The following ST6GALNAC5 variants were observed in gnomAD, a reference collection of about 807,000 sequenced individuals.
ST6GALNAC5 encodes the protein ST6 N-acetylgalactosaminide alpha-2,6-sialyltransferase 5.
Under a neutral mutation model 33.6 loss-of-function variants are expected in ST6GALNAC5, and 27 were observed. The observed-to-expected ratio is 0.80, with a 90% CI of 0.59 to 1.11. The LOEUF (loss-of-function observed/expected upper bound fraction) is 1.11. ST6GALNAC5 is among the 50% of genes least tolerant of loss of function. The pLI, the probability that ST6GALNAC5 is intolerant of heterozygous loss-of-function variation, is 0.00. For missense variants in ST6GALNAC5, 428 were observed against 454.0 expected, an observed-to-expected ratio of 0.94 and a Z score of 0.52; for synonymous variants, 194 against 171.2, an observed-to-expected ratio of 1.13 and a Z score of -1.04.
chr1:76,968,773 C>T, intron 2 of ST6GALNAC5, among the ~76,000 whole-genome samples: 1 of 152,090 alleles, frequency 6.6e-6, no homozygotes, highest in East Asian at 1.9e-4. Flanking sequence ...TAAGGCAGGC[C>T]TGGTGGTGAC....
chr1:76,916,311 A>T (rs1004035727), intron 2 of ST6GALNAC5, among the ~76,000 whole-genome samples: 2 of 152,130 alleles, frequency 1.3e-5, no homozygotes, highest in Non-Finnish European at 2.9e-5. Flanking sequence ...CTTGTTCCAC[A>T]TTTTGAAAAC....
At chr1:76,879,582 G>A (rs1653730742) in intron 2 of ST6GALNAC5, among the ~76,000 whole-genome samples, 1 of 152,188 alleles carries the variant, frequency 6.6e-6, no homozygotes, top group Admixed American at 6.5e-5. Context: ...AGGTCTAGAA[G>A]CAAACAGGGG....
intron 2 of ST6GALNAC5, among the ~76,000 whole-genome samples, chr1:76,945,311 T>A (rs1296008831): frequency 2.0e-5 from 3 of 150,042 alleles, no homozygotes; most frequent in Non-Finnish European, 4.4e-5. Context: ...CAAAATAGTG[T>A]TTTGATTAGA....
intron 2 of ST6GALNAC5, among the ~76,000 whole-genome samples, chr1:77,043,111 G>C (rs1003540395): frequency 6.6e-6 from 1 of 152,218 alleles, no homozygotes; most frequent in African/African-American, 2.4e-5. Flanking sequence ...GGAAGCCAGC[G>C]TGTCCTGTTC....
At chr1:76,881,090 AG>A (rs1205346631) in intron 2 of ST6GALNAC5, among the ~76,000 whole-genome samples, 1 of 152,194 alleles carries the variant, frequency 6.6e-6, no homozygotes, top group Non-Finnish European at 1.5e-5. Context: ...ACAGCTGTGT[AG>A]GGTCTTAAGT....
chr1:77,017,401 G>A (rs1650891418), intron 2 of ST6GALNAC5, among the ~76,000 whole-genome samples: 1 of 152,110 alleles, frequency 6.6e-6, no homozygotes, highest in Admixed American at 6.5e-5. Context: ...AAATACAAAT[G>A]CCTAGGGGAA....
chr1:76,997,669 T>A (rs1557753759), intron 2 of ST6GALNAC5, among the ~76,000 whole-genome samples: 1 of 152,214 alleles, frequency 6.6e-6, no homozygotes, highest in African/African-American at 2.4e-5. Context: ...TCAGGTTATA[T>A]TTGAAACTTT....
chr1:77,011,992 G>A (rs1187098458), intron 2 of ST6GALNAC5, among the ~76,000 whole-genome samples: 1 of 152,174 alleles, frequency 6.6e-6, no homozygotes, highest in Non-Finnish European at 1.5e-5. Flanking sequence ...GCACAAAGAA[G>A]CTAAATGATT....
chr1:77,046,573 G>A (rs1410441877), intron 3 of ST6GALNAC5, among the ~76,000 whole-genome samples: 1 of 152,118 alleles, frequency 6.6e-6, no homozygotes, highest in Non-Finnish European at 1.5e-5. Context: ...TGGGGATTCT[G>A]ATCATCATCT....
At chr1:77,021,746 A>T (rs1454251638) in intron 2 of ST6GALNAC5, among the ~76,000 whole-genome samples, 1 of 152,108 alleles carries the variant, frequency 6.6e-6, no homozygotes, top group Non-Finnish European at 1.5e-5. Flanking sequence ...TTATCATTGG[A>T]TCCCATCTCC....
chr1:76,900,211 A>G (rs1307674053), intron 2 of ST6GALNAC5, among the ~76,000 whole-genome samples: 1 of 152,170 alleles, frequency 6.6e-6, no homozygotes, highest in African/African-American at 2.4e-5. Flanking sequence ...ATTTTGAGCC[A>G]GGATGAGCCA....
chr1:77,029,347 A>T (rs531588445), intron 2 of ST6GALNAC5, among the ~76,000 whole-genome samples: 1 of 152,348 alleles, frequency 6.6e-6, no homozygotes, highest in African/African-American at 2.4e-5. Flanking sequence ...TGGTCAAAAA[A>T]GTGGGAGGTT....
intron 2 of ST6GALNAC5, among the ~76,000 whole-genome samples, chr1:77,030,299 C>CA (rs749325320): frequency 5.2e-4 from 79 of 152,210 alleles, no homozygotes; most frequent in Non-Finnish European, 7.3e-4. Context: ...TTGGCCTCAG[C>CA]ACTGACACTA....
chr1:76,971,063 CA>C (rs1648736957), intron 2 of ST6GALNAC5, among the ~76,000 whole-genome samples: 1 of 152,064 alleles, frequency 6.6e-6, no homozygotes, highest in Non-Finnish European at 1.5e-5. Flanking sequence ...ATCTCATTCT[CA>C]ATTTCAGAAA....
At chr1:76,939,022 A>T (rs1211490067) in intron 2 of ST6GALNAC5, among the ~76,000 whole-genome samples, 1 of 152,082 alleles carries the variant, frequency 6.6e-6, no homozygotes, top group Non-Finnish European at 1.5e-5. Flanking sequence ...ATTTGCAGCA[A>T]ACCTTTCCTC....
intron 2 of ST6GALNAC5, among the ~76,000 whole-genome samples, chr1:76,945,485 A>G (rs1336523601): frequency 7.2e-5 from 11 of 152,082 alleles, no homozygotes; most frequent in Non-Finnish European, 1.5e-5. Context: ...TTCAGGTGTT[A>G]TGTTTCTCTA....
intron 2 of ST6GALNAC5, among the ~76,000 whole-genome samples, chr1:76,982,803 CA>C (rs1338083836): frequency 1.3e-5 from 2 of 151,042 alleles, no homozygotes; most frequent in African/African-American, 4.8e-5. Context: ...ATCAGACTAA[CA>C]GCAGATCTCT....
chr1:76,885,462 A>G (rs2100240243), intron 2 of ST6GALNAC5, among the ~76,000 whole-genome samples: 1 of 152,328 alleles, frequency 6.6e-6, no homozygotes, highest in South Asian at 2.1e-4. Flanking sequence ...CGACATTTAA[A>G]TGTACTTCCT....
intron 2 of ST6GALNAC5, among the ~76,000 whole-genome samples, chr1:77,023,543 C>A (rs925511055): frequency 2.2e-4 from 33 of 152,052 alleles, no homozygotes; most frequent in Non-Finnish European, 5.9e-5. Flanking sequence ...GCTATAATGT[C>A]CAGAGCCACT....
Sources: allele counts gnomAD v4.1 joint callset (sites outside exome capture counted in the v4.1 genomes callset), GRCh38; gene constraint gnomAD v4.1.1; transcripts MANE v1.5; gene names NCBI Gene and HGNC (gene_info 2026-07-23, HGNC 2026-07-21).